Variants in MSH6 observed in about 807,000 individuals in gnomAD.
MSH6 encodes DNA mismatch repair protein Msh6.
MSH6 carries 85 observed loss-of-function variants against 119.1 expected under a neutral mutation model. The ratio of observed to expected loss-of-function variants is 0.71; its 90% confidence interval spans 0.60 to 0.85. The LOEUF (loss-of-function observed/expected upper bound fraction) is 0.85. Ranked by LOEUF, MSH6 falls within the 40% of genes least tolerant of loss-of-function variation. The pLI, the probability that MSH6 is intolerant of heterozygous loss-of-function variation, is 0.00. For missense variants in MSH6, 2,163 were observed against 1,655.3 expected (o/e 1.31, Z -5.32); for synonymous variants, 830 against 586.9 (o/e 1.41, Z -5.99).
intron 3 of MSH6, among the ~76,000 whole-genome samples, chr2:47,797,338 GTATTT>G (rs1223930593): frequency 6.6e-6 from 1 of 152,170 alleles, no homozygotes; most frequent in Non-Finnish European, 1.5e-5. Flanking sequence ...AATAAAGTGG[GTATTT>G]TAATTTTAAG....
chr2:47,796,569 T>A (rs1011195200), intron 3 of MSH6, among the ~76,000 whole-genome samples: 4 of 152,166 alleles, frequency 2.6e-5, no homozygotes, highest in African/African-American at 9.7e-5. Context: ...ATTCTAAAAC[T>A]TTTTTTGTTG....
At chr2:47,802,571 G>T (rs757613303) in intron 4 of MSH6, among the ~76,000 whole-genome samples, 1 of 150,570 alleles carries the variant, frequency 6.6e-6, no homozygotes, top group African/African-American at 2.4e-5. Context: ...ACCTCAAAGC[G>T]ATCTGCCCGC....
intron 1 of MSH6, among the ~76,000 whole-genome samples, chr2:47,788,907 C>CTTTTTTTTTTTTTTTTTTTTTTTTTTT (rs1558650117): frequency 1.2e-4 from 2 of 17,278 alleles, no homozygotes; most frequent in Non-Finnish European, 2.0e-4. Flanking sequence ...TTTCTTCTTC[C>CTTTTTTTTTTTTTTTTTTTTTTTTTTT]TTTTTTTTTT....
At chr2:47,804,196 G>A (rs62139913) in intron 5 of MSH6, among the ~76,000 whole-genome samples, 3,411 of 151,830 alleles carry the variant, frequency 0.022, 48 homozygotes, top group South Asian at 0.07. Flanking sequence ...CTGCAGCCTC[G>A]AACTCCCAGG....
chr2:47,799,616 A>G lies in MSH6; in HGVS notation c.1633A>G (p.Lys545Glu), dbSNP rs1064793403. The G allele has an allele frequency of 8.7e-6, 14 of 1,614,050 alleles. No individual in the cohort carries two copies. The highest frequency in any genetic ancestry group is 1.1e-5 in the Non-Finnish European group (13 of 1,180,026). Reference sequence around the variant, plus strand: ...TAAGTATCTTCTTAGCCTCAAAGAAAAAGAGGAAGATTCTTCTGGCCATAC... The same window carrying G: ...TAAGTATCTTCTTAGCCTCAAAGAAGAAGAGGAAGATTCTTCTGGCCATAC... Reference protein sequence around the residue: ...YSKYLLSLKEKEEDSSGHTRA... With the variant: ...YSKYLLSLKEEEEDSSGHTRA... The change falls in exon 4 of 10, where the codon AAA (lysine) becomes GAA (glutamate). Residue 545 changes from lysine to glutamate, a missense_variant. Transcript: ENST00000234420.
chr2:47,783,217 C>T lies in MSH6; in HGVS notation c.-17C>T, dbSNP rs370816858. 25 of 1,611,190 alleles carry T rather than the reference C, an allele frequency of 1.6e-5. No homozygotes were observed. In the African/African-American group the frequency reaches 2.8e-4, roughly 18 times the overall value. On this transcript the variant is annotated 5_prime_UTR_variant, in exon 1 of 10. Coordinates refer to ENST00000234420, the MANE Select transcript of MSH6 (RefSeq NM_000179.3). ...AGCTCCGTCCGACAGAACGGTTGGG[C>T]CTTGCCGGCTGTCGGTATGTCGCGA...
rs1670236131 is a variant in MSH6, at chr2:47,806,889, C to G, written c.*29C>G. 9 of 1,516,260 alleles carry G rather than the reference C, an allele frequency of 5.9e-6. No homozygotes were observed. The highest frequency in any genetic ancestry group is 8.2e-6 in the Non-Finnish European group (9 of 1,092,232). The allele number at this position is 1,516,260 out of a possible 1,614,324, so 93.9% of individuals were successfully genotyped here. A position where few individuals can be genotyped will look rare whatever the true frequency, so the allele number is the denominator to read the frequency against. ...GACTACATTGGAAGCTTTGAGTTGA[C>G]TTCTGACAAAGGTGGTAAATTCAGA... is the stretch of plus-strand genomic sequence containing the variant. On this transcript the variant is annotated 3_prime_UTR_variant, in exon 10 of 10. Coordinates refer to ENST00000234420, the MANE Select transcript of MSH6 (RefSeq NM_000179.3).
intron 5 of MSH6, among the ~76,000 whole-genome samples, chr2:47,804,327 A>AG (rs1389409741): frequency 1.3e-5 from 2 of 152,144 alleles, no homozygotes; most frequent in African/African-American, 4.8e-5. Flanking sequence ...CTTTATAACC[A>AG]GGGGTTGACC....
intron 1 of MSH6, among the ~76,000 whole-genome samples, chr2:47,789,831 C>CTT (rs59819548): frequency 2.0e-5 from 3 of 150,250 alleles, no homozygotes; most frequent in African/African-American, 2.4e-5. Flanking sequence ...ATTTTTTTTC[C>CTT]TTTTTTTTTG....
intron 5 of MSH6, 138 bp from the exon 6 acceptor site, chr2:47,804,772 A>T: frequency 1.3e-6 from 1 of 742,306 alleles, no homozygotes; most frequent in Non-Finnish European, 2.5e-6. Context: ...AATGGATTTC[A>T]GAACAGAACC....
Position 47,799,876 on chromosome 2 carries a change from C to T in MSH6, c.1893C>T (p.Ser631=), listed in dbSNP as rs1380346583. Residue 631 remains serine, a synonymous_variant, in exon 4 of 10, where the codon TCC becomes TCT. Coordinates refer to ENST00000234420, the MANE Select transcript of MSH6 (RefSeq NM_000179.3). The part of the protein sequence containing the change: ...LIPGSQFWDA[S]KTLRTLLEEE... ...CCGGCTCCCAGTTTTGGGATGCATCCAAAACTTTGAGAACTCTCCTTGAGG... is the reference window on the plus strand; with the variant it reads ...CCGGCTCCCAGTTTTGGGATGCATCTAAAACTTTGAGAACTCTCCTTGAGG... 1 of 1,613,996 alleles carries T rather than the reference C, an allele frequency of 6.2e-7. No individual in the cohort carries two copies. The highest frequency in any genetic ancestry group is 1.3e-5 in the African/African-American group (1 of 74,884).
chr2:47,806,462 T>C lies in MSH6; in HGVS notation c.3812T>C (p.Val1271Ala), dbSNP rs1553333303. ...TTTTTCTTTCTTAAGGCATGCATGGTAGAAAATGAATGTGAAGACCCCAGC... is the reference window on the plus strand; with the variant it reads ...TTTTTCTTTCTTAAGGCATGCATGGCAGAAAATGAATGTGAAGACCCCAGC... ...AVRLGHMACMVENECEDPSQE... is the reference protein window; with the variant it reads ...AVRLGHMACMAENECEDPSQE... The change falls in exon 9 of 10, where the codon GTA (valine) becomes GCA (alanine). Residue 1271 changes from valine to alanine, a missense_variant. Coordinates refer to ENST00000234420, the MANE Select transcript of MSH6 (RefSeq NM_000179.3). 1.2e-6 allele frequency: 2 copies of C among 1,614,034 alleles called. No individual in the cohort carries two copies. Among genetic ancestry groups the C allele is most frequent in the Non-Finnish European group, 1.7e-6 (2 of 1,179,972 alleles).
chr2:47,794,936 A>G (rs1413934592), intron 2 of MSH6, among the ~76,000 whole-genome samples: 1 of 152,144 alleles, frequency 6.6e-6, no homozygotes, highest in Non-Finnish European at 1.5e-5. Flanking sequence ...CTAGGACTAC[A>G]GGCATGTGCC....
At position 47,799,912 on chromosome 2, in the gene MSH6, T is replaced by C. The variant is rs1057523080; in HGVS notation, c.1929T>C (p.Phe643=). The C allele has an allele frequency of 6.2e-7, 1 of 1,614,054 alleles. No homozygotes were observed. Among genetic ancestry groups the C allele is most frequent in the South Asian group, 1.1e-5 (1 of 91,088 alleles). Residue 643 remains phenylalanine (F), a synonymous_variant, in exon 4 of 10, where the codon TTT becomes TTC. Coordinates refer to ENST00000234420, the MANE Select transcript of MSH6 (RefSeq NM_000179.3). ...TLRTLLEEEY[F]REKLSDGIGV... is the part of the protein sequence containing the mutation. ...GAACTCTCCTTGAGGAAGAATATTT[T>C]AGGGAAAAGCTAAGTGATGGCATTG...
intron 6 of MSH6, 68 bp from the exon 7 acceptor site, chr2:47,805,550 C>A (rs1669944103): frequency 9.7e-7 from 1 of 1,034,060 alleles, no homozygotes; most frequent in Non-Finnish European, 1.5e-6. Context: ...GCTATATAAC[C>A]TAGAAGATGA....
chr2:47,808,212 T>C, downstream of MSH6: 4 of 1,613,446 alleles, frequency 2.5e-6, no homozygotes, highest in Non-Finnish European at 3.4e-6. Context: ...TGTACAAGGA[T>C]TAGACAGTGT....
In MSH6 at chr2:47,805,643, A is replaced by T. The variant is rs2104523172; in HGVS notation, c.3582A>T (p.Leu1194Phe). Residue 1194 changes from leucine to phenylalanine, a missense_variant, in exon 7 of 10, where the codon TTA becomes TTT. Transcript: ENST00000234420. ...MSGESTFFVE[L>F]SETASILMHA... ...GTGAAAGTACATTTTTTGTTGAATT[A>T]AGTGAAACTGCCAGCATACTCATGC... is the stretch of plus-strand genomic sequence containing the variant. 6.2e-7 allele frequency: 1 copy of T among 1,613,058 alleles called. No homozygotes were observed. The highest frequency in any genetic ancestry group is 8.5e-7 in the Non-Finnish European group (1 of 1,179,270).
chr2:47,791,740 G>C (rs1447600911), intron 2 of MSH6, among the ~76,000 whole-genome samples: 1 of 148,880 alleles, frequency 6.7e-6, no homozygotes, highest in South Asian at 2.1e-4. Flanking sequence ...GTGCAGTGGC[G>C]CAATCTCGGC....
At chr2:47,789,282 T>C (rs1558650650) in intron 1 of MSH6, 1 of 365,912 alleles carries the variant, frequency 2.7e-6, no homozygotes, top group East Asian at 7.7e-5. Flanking sequence ...AGTGTAATGG[T>C]ATATAAAGGA....
Sources: gnomAD v4.1 joint callset for allele counts (sites outside exome capture counted in the v4.1 genomes callset) on GRCh38, gnomAD v4.1.1 for gene constraint, MANE v1.5 for transcripts, NCBI Gene and HGNC (gene_info 2026-07-23, HGNC 2026-07-21) for gene names.